The following LDB2 variants were observed in gnomAD, a reference collection of about 807,000 sequenced individuals.
LDB2 encodes LIM domain-binding protein 2.
In LDB2, 12 loss-of-function variants were observed where a neutral mutation model predicts 44.3. The ratio of observed to expected loss-of-function variants is 0.27; its 90% CI spans 0.17 to 0.44. The LOEUF (loss-of-function observed/expected upper bound fraction) is 0.44, where lower values mean the gene tolerates loss of function less well. Among genes scored for constraint, LDB2 ranks in the 20% least tolerant of loss-of-function variants. LDB2 has a pLI of 1.00. For missense variants in LDB2, 344 were observed against 473.5 expected, an observed-to-expected ratio of 0.73 and a Z score of 2.54; for synonymous variants, 164 against 174.8, an observed-to-expected ratio of 0.94 and a Z score of 0.49.
chr4:16,558,778 A>G (rs1379188366), intron 5 of LDB2, among the ~76,000 whole-genome samples: 1 of 152,170 alleles, frequency 6.6e-6, no homozygotes, highest in African/African-American at 2.4e-5. Context: ...CAAAGTTGAA[A>G]TGAAGGAAAA....
At chr4:16,840,972 A>T (rs888870136) in intron 1 of LDB2, among the ~76,000 whole-genome samples, 1 of 152,160 alleles carries the variant, frequency 6.6e-6, no homozygotes, top group Admixed American at 6.5e-5. Context: ...TAGGAACATC[A>T]AAGAGGATTT....
chr4:16,891,963 C>A (rs1723538309), intron 1 of LDB2, among the ~76,000 whole-genome samples: 1 of 152,144 alleles, frequency 6.6e-6, no homozygotes, highest in South Asian at 2.1e-4. Flanking sequence ...ATTTATGTAA[C>A]CTGTCAGTTT....
At chr4:16,580,295 A>C (rs998769267) in intron 5 of LDB2, among the ~76,000 whole-genome samples, 5 of 152,182 alleles carry the variant, frequency 3.3e-5, no homozygotes, top group African/African-American at 1.2e-4. Context: ...GGTGAAGCAG[A>C]GCAATTGATT....
intron 2 of LDB2, among the ~76,000 whole-genome samples, chr4:16,653,494 C>G (rs1038029292): frequency 6.6e-6 from 1 of 152,122 alleles, no homozygotes. Context: ...TTAATATTGC[C>G]AAAGAAAGGG....
At chr4:16,800,464 G>T (rs1366230935) in intron 1 of LDB2, among the ~76,000 whole-genome samples, 2 of 152,142 alleles carry the variant, frequency 1.3e-5, no homozygotes. Flanking sequence ...TAGTTACTGG[G>T]TTAAAAAATA....
intron 2 of LDB2, among the ~76,000 whole-genome samples, chr4:16,685,738 C>T (rs910469018): frequency 6.6e-6 from 1 of 152,086 alleles, no homozygotes; most frequent in Non-Finnish European, 1.5e-5. Flanking sequence ...CATTCTCTAC[C>T]AAGTGGTCAC....
At chr4:16,824,526 C>T (rs2109997878) in intron 1 of LDB2, among the ~76,000 whole-genome samples, 1 of 152,326 alleles carries the variant, frequency 6.6e-6, no homozygotes, top group South Asian at 2.1e-4. Flanking sequence ...ATCCACATAA[C>T]AATCTTATGT....
In LDB2 at chr4:16,768,344, C is replaced by T. The variant is rs2109317039; in HGVS notation, c.133-9084G>A. Among the ~76,000 whole-genome samples, 2 of 152,254 alleles carry T rather than the reference C, an allele frequency of 1.3e-5. 1 individual carries two copies. The highest frequency in any genetic ancestry group is 2.9e-5 in the Non-Finnish European group (2 of 68,014). Reference sequence around the variant, plus strand: ...ATGTCTCATCTTATAACCCTACTCTCTTGTACACACACATTTAAATAACAC... The same window carrying T: ...ATGTCTCATCTTATAACCCTACTCTTTTGTACACACACATTTAAATAACAC... On this transcript the variant is annotated intron_variant, in intron 1 of 7. Transcript: ENST00000304523.
chr4:16,557,954 CAG>C (rs1226140312), intron 5 of LDB2, among the ~76,000 whole-genome samples: 2 of 152,224 alleles, frequency 1.3e-5, no homozygotes, highest in East Asian at 1.9e-4. Flanking sequence ...CCCAGGCAAA[CAG>C]GGTCTGGAGT....
intron 1 of LDB2, among the ~76,000 whole-genome samples, chr4:16,784,508 A>T (rs935511526): frequency 6.6e-6 from 1 of 152,164 alleles, no homozygotes; most frequent in African/African-American, 2.4e-5. Flanking sequence ...AGAACCTCAG[A>T]TATTTTTCCT....
chr4:16,862,459 C>T (rs1712970032), intron 1 of LDB2, among the ~76,000 whole-genome samples: 1 of 151,684 alleles, frequency 6.6e-6, no homozygotes, highest in South Asian at 2.1e-4. Context: ...CATGGAGAAA[C>T]CCTGTCTCTA....
intron 1 of LDB2, among the ~76,000 whole-genome samples, chr4:16,857,983 G>A (rs958534494): frequency 7.4e-5 from 11 of 147,810 alleles, no homozygotes; most frequent in Non-Finnish European, 1.3e-4. Context: ...TTGACTGAAT[G>A]AGCCTCAGTT....
chr4:16,783,670 A>G (rs1349488542), intron 1 of LDB2, among the ~76,000 whole-genome samples: 2 of 152,166 alleles, frequency 1.3e-5, no homozygotes, highest in Admixed American at 1.3e-4. Flanking sequence ...CTCTTGTTAC[A>G]TGGTTGTTTT....
At chr4:16,653,003 C>T (rs1252005158) in intron 2 of LDB2, among the ~76,000 whole-genome samples, 2 of 152,114 alleles carry the variant, frequency 1.3e-5, no homozygotes, top group Non-Finnish European at 2.9e-5. Context: ...TTAATTTATG[C>T]CACTTTGTGG....
intron 5 of LDB2, among the ~76,000 whole-genome samples, chr4:16,564,216 C>T (rs942594715): frequency 4.6e-5 from 7 of 152,222 alleles, no homozygotes; most frequent in Middle Eastern, 6.8e-3. Flanking sequence ...ACAGGCTGGG[C>T]GCTGTGGCTC....
chr4:16,883,020 GA>G (rs1409391622), intron 1 of LDB2, among the ~76,000 whole-genome samples: 1 of 151,758 alleles, frequency 6.6e-6, no homozygotes, highest in Admixed American at 6.6e-5. Context: ...TATGAGGACG[GA>G]AAAAAAACAA....
At chr4:16,694,509 A>G (rs996403964) in intron 2 of LDB2, among the ~76,000 whole-genome samples, 4 of 152,324 alleles carry the variant, frequency 2.6e-5, no homozygotes, top group African/African-American at 9.6e-5. Context: ...AGCACAACAG[A>G]CTAAATTAGG....
chr4:16,508,764 GAAGCTGTCTTGGTA>G, intron 6 of LDB2, 78 bp from the exon 7 acceptor site: 1 of 1,402,574 alleles, frequency 7.1e-7, no homozygotes, highest in Non-Finnish European at 9.6e-7. Context: ...TTACTCTAAG[GAAGCTGTCTTGGTA>G]AACTGAAGAG....
chr4:16,847,437 G>A (rs1252545725), intron 1 of LDB2, among the ~76,000 whole-genome samples: 2 of 152,112 alleles, frequency 1.3e-5, no homozygotes, highest in Non-Finnish European at 2.9e-5. Context: ...CCTCCTTAAG[G>A]ATGTTACCCA....
Sources: allele counts gnomAD v4.1 joint callset (sites outside exome capture counted in the v4.1 genomes callset), GRCh38; gene constraint gnomAD v4.1.1; transcripts MANE v1.5; gene names NCBI Gene and HGNC (gene_info 2026-07-23, HGNC 2026-07-21).